Variants in MGLL observed in about 807,000 individuals in gnomAD.
MGLL encodes lysophospholipase homolog.
MGLL carries 7 observed loss-of-function variants against 29.1 expected under a neutral mutation model. The observed-to-expected ratio is 0.24, with a 90% CI of 0.14 to 0.45. MGLL has a LOEUF of 0.45. Ranked by LOEUF, MGLL falls within the 20% of genes least tolerant of loss-of-function variation. The pLI is 0.99. For synonymous variants in MGLL, 148 were observed against 168.3 expected (o/e 0.88, Z 0.93); for missense variants, 356 against 413.6 (o/e 0.86, Z 1.21).
chr3:127,742,604 A>AG (rs2076365147), intron 3 of MGLL, among the ~76,000 whole-genome samples: 1 of 151,762 alleles, frequency 6.6e-6, no homozygotes, highest in African/African-American at 2.4e-5. Flanking sequence ...AAAAAAAAAA[A>AG]AAAAAAAAAG....
intron 7 of MGLL, 59 bp from the exon 8 acceptor site, chr3:127,692,382 G>A (rs1235956895): frequency 8.1e-6 from 13 of 1,605,130 alleles, no homozygotes; most frequent in Admixed American, 5.0e-5. Context: ...TGCAGGGAGC[G>A]GAGACCGTGG....
chr3:127,769,360 GA>G (rs5852522), intron 3 of MGLL, among the ~76,000 whole-genome samples: 1 of 149,528 alleles, frequency 6.7e-6, no homozygotes, highest in African/African-American at 2.5e-5. Context: ...CAAAAAAAAA[GA>G]AAAAAAAAAG....
At chr3:127,694,280 A>AG (rs1393930255) in intron 7 of MGLL, among the ~76,000 whole-genome samples, 1 of 117,208 alleles carries the variant, frequency 8.5e-6, no homozygotes, top group East Asian at 2.5e-4. Context: ...AAAAAAAAAA[A>AG]AAAAAAATAT....
chr3:127,771,244 C>T (rs1432503491), intron 3 of MGLL, among the ~76,000 whole-genome samples: 1 of 152,242 alleles, frequency 6.6e-6, no homozygotes, highest in East Asian at 1.9e-4. Flanking sequence ...GCAGAGGCAG[C>T]TGCTCTCTGC....
intron 2 of MGLL, among the ~76,000 whole-genome samples, chr3:127,819,403 T>A (rs1262312922): frequency 5.9e-5 from 9 of 152,212 alleles, no homozygotes; most frequent in Admixed American, 5.2e-4. Flanking sequence ...GGGTGGCTTC[T>A]GAGGTCCCTA....
intron 3 of MGLL, among the ~76,000 whole-genome samples, chr3:127,726,176 G>GAAAGA (rs2076035412): frequency 2.1e-5 from 1 of 47,106 alleles, no homozygotes; most frequent in Non-Finnish European, 4.4e-5. Flanking sequence ...AAGAAAGAAA[G>GAAAGA]AAAGAAAGAA....
At chr3:127,736,508 G>T (rs1025157963) in intron 3 of MGLL, among the ~76,000 whole-genome samples, 2 of 152,188 alleles carry the variant, frequency 1.3e-5, no homozygotes, top group African/African-American at 2.4e-5. Flanking sequence ...AGGCAGGGCT[G>T]GGTGAGGGGA....
chr3:127,771,836 T>G (rs1040069661), intron 3 of MGLL, among the ~76,000 whole-genome samples: 1 of 152,138 alleles, frequency 6.6e-6, no homozygotes, highest in Non-Finnish European at 1.5e-5. Flanking sequence ...ATAGCGTATG[T>G]TGAGAACACC....
chr3:127,729,444 G>A (rs912686862), intron 3 of MGLL, among the ~76,000 whole-genome samples: 2 of 151,644 alleles, frequency 1.3e-5, no homozygotes, highest in African/African-American at 4.9e-5. Context: ...CTTGGTGTAG[G>A]GTAGGAGATA....
intron 2 of MGLL, among the ~76,000 whole-genome samples, chr3:127,790,486 G>A (rs1367925692): frequency 6.6e-6 from 1 of 152,190 alleles, no homozygotes; most frequent in Non-Finnish European, 1.5e-5. Context: ...TGCCTGTCGT[G>A]GACGATTTAC....
intron 2 of MGLL, among the ~76,000 whole-genome samples, chr3:127,798,091 A>G: frequency 1.3e-5 from 2 of 152,348 alleles, no homozygotes; most frequent in South Asian, 4.1e-4. Context: ...TCAAATAATC[A>G]TAACAGGTGG....
intron 3 of MGLL, among the ~76,000 whole-genome samples, chr3:127,780,802 C>T (rs1269007883): frequency 2.0e-5 from 3 of 152,200 alleles, no homozygotes; most frequent in Admixed American, 6.5e-5. Context: ...TATCCATTTT[C>T]AAATCAGATA....
chr3:127,749,248 C>T (rs1210278269), intron 3 of MGLL, among the ~76,000 whole-genome samples: 1 of 152,218 alleles, frequency 6.6e-6, no homozygotes, highest in East Asian at 1.9e-4. Flanking sequence ...TTATTAGTGA[C>T]TGTCTTGACT....
At chr3:127,724,113 A>G (rs1411571630) in intron 3 of MGLL, among the ~76,000 whole-genome samples, 2 of 152,130 alleles carry the variant, frequency 1.3e-5, no homozygotes, top group African/African-American at 4.8e-5. Flanking sequence ...GAACTGTGAG[A>G]CAATAAATGT....
intron 3 of MGLL, among the ~76,000 whole-genome samples, chr3:127,769,816 C>T (rs1427628730): frequency 6.6e-6 from 1 of 152,194 alleles, no homozygotes; most frequent in Non-Finnish European, 1.5e-5. Flanking sequence ...TGCCTCCACC[C>T]CACAACACCC....
At chr3:127,717,915 T>C (rs549196442) in intron 5 of MGLL, among the ~76,000 whole-genome samples, 1 of 152,112 alleles carries the variant, frequency 6.6e-6, no homozygotes, top group Non-Finnish European at 1.5e-5. Context: ...CCCCACAGAG[T>C]GACCTCACAA....
At chr3:127,754,213 C>T (rs555096410) in intron 3 of MGLL, among the ~76,000 whole-genome samples, 1 of 152,192 alleles carries the variant, frequency 6.6e-6, no homozygotes. Flanking sequence ...TCACGACCCG[C>T]CAGGCACTGC....
chr3:127,762,098 T>C (rs530128452), intron 3 of MGLL, among the ~76,000 whole-genome samples: 2 of 152,228 alleles, frequency 1.3e-5, no homozygotes, highest in African/African-American at 4.8e-5. Context: ...TGAAATGAAA[T>C]AGAGAATATG....
chr3:127,807,049 G>T (rs895153983), intron 2 of MGLL, among the ~76,000 whole-genome samples: 19 of 152,266 alleles, frequency 1.2e-4, no homozygotes, highest in African/African-American at 4.3e-4. Context: ...TTTTGGAAAG[G>T]TTTGTGAGAA....
Sources: allele counts gnomAD v4.1 joint callset (sites outside exome capture counted in the v4.1 genomes callset), GRCh38; gene constraint gnomAD v4.1.1; transcripts MANE v1.5; gene names NCBI Gene and HGNC (gene_info 2026-07-23, HGNC 2026-07-21).